MAGI1: variants seen among roughly 807,000 people sequenced by gnomAD.
MAGI1 encodes membrane-associated guanylate kinase, WW and PDZ domain-containing protein 1.
A neutral mutation model predicts 139.9 loss-of-function variants in MAGI1; 58 were observed. The ratio of observed to expected loss-of-function variants is 0.41; its 90% CI spans 0.34 to 0.52. MAGI1 has a LOEUF of 0.52. Among genes scored for constraint, MAGI1 ranks in the 20% least tolerant of loss-of-function variants. MAGI1 has a pLI of 0.12. For synonymous variants in MAGI1, 812 were observed against 737.9 expected (o/e 1.10, Z -1.63); for missense variants, 1,874 against 1,901.6 (o/e 0.99, Z 0.27).
At chr3:65,476,112 G>A (rs1950874241) in intron 4 of MAGI1, among the ~76,000 whole-genome samples, 1 of 151,938 alleles carries the variant, frequency 6.6e-6, no homozygotes, top group African/African-American at 2.4e-5. Flanking sequence ...AACACAAAAT[G>A]CTTTGATACC....
At chr3:65,445,334 C>T (rs1387975470) in intron 7 of MAGI1, among the ~76,000 whole-genome samples, 1 of 152,148 alleles carries the variant, frequency 6.6e-6, no homozygotes, top group African/African-American at 2.4e-5. Flanking sequence ...CAGTTCCTGG[C>T]ACATAGAAAG....
chr3:65,601,943 AG>A (rs1467240704), intron 2 of MAGI1, among the ~76,000 whole-genome samples: 6 of 152,212 alleles, frequency 3.9e-5, no homozygotes, highest in African/African-American at 1.4e-4. Context: ...AAATAGGCAA[AG>A]GAATTCAATA....
rs1168702114 is a variant in MAGI1, at chr3:66,003,451, C to T, written c.313+34545G>A. Among the ~76,000 whole-genome samples the T allele has an allele frequency of 3.9e-5, 6 of 151,966 alleles. No homozygotes were observed. In the East Asian group the frequency reaches 5.9e-4, roughly 15 times the overall value. On this transcript the variant is annotated intron_variant, in intron 1 of 22. Transcript: ENST00000402939. ...TGGGTGGATCACAAGGTTAGGAGTT[C>T]GAGACCAGCCTGGCCCAACATGGTG...
chr3:65,403,078 G>A (rs1228279384), intron 12 of MAGI1, among the ~76,000 whole-genome samples: 2 of 152,156 alleles, frequency 1.3e-5, no homozygotes, highest in African/African-American at 4.8e-5. Context: ...AACTCAGATA[G>A]GCATCCTTTA....
intron 1 of MAGI1, among the ~76,000 whole-genome samples, chr3:65,918,194 C>A (rs758506221): frequency 6.6e-6 from 1 of 152,116 alleles, no homozygotes; most frequent in Admixed American, 6.6e-5. Flanking sequence ...GGGTCAGAAT[C>A]AGTAAACATG....
intron 2 of MAGI1, among the ~76,000 whole-genome samples, chr3:65,500,875 C>A (rs2077054589): frequency 6.6e-6 from 1 of 152,212 alleles, no homozygotes; most frequent in African/African-American, 2.4e-5. Context: ...ACTGCAACTG[C>A]TTACGTGTTA....
intron 1 of MAGI1, among the ~76,000 whole-genome samples, chr3:65,915,248 A>C (rs1250689895): frequency 6.6e-6 from 1 of 152,236 alleles, no homozygotes; most frequent in Non-Finnish European, 1.5e-5. Flanking sequence ...AGGACTGTTC[A>C]CATTTGAACA....
intron 1 of MAGI1, among the ~76,000 whole-genome samples, chr3:65,802,637 C>T (rs1216222618): frequency 1.3e-5 from 2 of 152,136 alleles, no homozygotes; most frequent in Non-Finnish European, 2.9e-5. Context: ...CAGGCAAGTA[C>T]CATCTTTCTT....
intron 2 of MAGI1, among the ~76,000 whole-genome samples, chr3:65,538,223 A>G (rs759710703): frequency 1.3e-5 from 2 of 152,234 alleles, no homozygotes; most frequent in Non-Finnish European, 2.9e-5. Context: ...AGGTTGGAGT[A>G]TAAGGATAAA....
intron 1 of MAGI1, among the ~76,000 whole-genome samples, chr3:65,922,169 A>T (rs1389452648): frequency 6.6e-6 from 1 of 152,136 alleles, no homozygotes; most frequent in Non-Finnish European, 1.5e-5. Flanking sequence ...ATGAAATGAC[A>T]TGCACAAGGT....
At chr3:65,418,496 C>T (rs141168572) in intron 12 of MAGI1, among the ~76,000 whole-genome samples, 77 of 152,262 alleles carry the variant, frequency 5.1e-4, no homozygotes, top group Non-Finnish European at 1.0e-3. Flanking sequence ...CCATCTTCTG[C>T]ACAGTTTACA....
intron 13 of MAGI1, 43 bp downstream of exon 13, chr3:65,401,396 C>T: frequency 6.5e-7 from 1 of 1,547,532 alleles, no homozygotes; most frequent in Non-Finnish European, 8.8e-7. Flanking sequence ...CCCCACCATC[C>T]ACCCCAGCCC....
At chr3:65,478,824 A>T in intron 3 of MAGI1, 26 bp from the exon 4 acceptor site, 1 of 1,554,958 alleles carries the variant, frequency 6.4e-7, no homozygotes, top group South Asian at 1.1e-5. Flanking sequence ...ACACATTTGC[A>T]TGTTTCAAAA....
intron 1 of MAGI1, among the ~76,000 whole-genome samples, chr3:65,705,010 G>C (rs555133153): frequency 1.3e-5 from 2 of 152,034 alleles, no homozygotes; most frequent in African/African-American, 4.8e-5. Flanking sequence ...TGAATTTCTA[G>C]AGACCTTTGC....
chr3:65,667,265 T>C (rs900230112), intron 1 of MAGI1, among the ~76,000 whole-genome samples: 7 of 152,162 alleles, frequency 4.6e-5, no homozygotes, highest in Non-Finnish European at 5.9e-5. Flanking sequence ...GTATCAGAGA[T>C]GGGTGGACCA....
Position 65,526,319 on chromosome 3 carries a change from G to A in MAGI1, c.431-32688C>T, listed in dbSNP as rs566174669. ...TTACTGCCTGTAAAACAAATGGGGCGTCACTGAAATGGCTATTCCTTGATT... is the reference window on the plus strand; with the variant it reads ...TTACTGCCTGTAAAACAAATGGGGCATCACTGAAATGGCTATTCCTTGATT... On this transcript the variant is annotated intron_variant, in intron 2 of 22. Coordinates refer to ENST00000402939, the MANE Select transcript of MAGI1 (RefSeq NM_001033057.2). 5.3e-5 allele frequency among the ~76,000 whole-genome samples: 8 copies of A among 152,204 alleles called. No homozygotes were observed. The South Asian group carries it at 8.3e-4, about 16-fold the overall frequency.
intron 2 of MAGI1, among the ~76,000 whole-genome samples, chr3:65,526,271 T>A (rs1299934049): frequency 1.3e-5 from 2 of 152,196 alleles, no homozygotes. Context: ...AAATGACTGC[T>A]CAAATTAAGG....
chr3:65,692,715 A>T (rs73832914), intron 1 of MAGI1, among the ~76,000 whole-genome samples: 44 of 152,196 alleles, frequency 2.9e-4, no homozygotes, highest in African/African-American at 1.0e-3. Context: ...TGAATGAATG[A>T]ATGCATGGGT....
At chr3:65,733,583 C>T (rs1419764634) in intron 1 of MAGI1, among the ~76,000 whole-genome samples, 1 of 152,206 alleles carries the variant, frequency 6.6e-6, no homozygotes, top group Non-Finnish European at 1.5e-5. Flanking sequence ...ATCTCTCACA[C>T]AATGAGAGTC....
Sources: allele counts gnomAD v4.1 joint callset (sites outside exome capture counted in the v4.1 genomes callset), GRCh38; gene constraint gnomAD v4.1.1; transcripts MANE v1.5; gene names NCBI Gene and HGNC (gene_info 2026-07-23, HGNC 2026-07-21).